The following EXOC4 variants were observed in gnomAD, a reference collection of about 807,000 sequenced individuals.
EXOC4 encodes the protein SEC8-like 1.
A neutral mutation model predicts 107.2 loss-of-function variants in EXOC4; 71 were observed. The ratio of observed to expected loss-of-function variants is 0.66; its 90% confidence interval spans 0.55 to 0.81. The LOEUF (loss-of-function observed/expected upper bound fraction) is 0.81. Ranked by LOEUF, EXOC4 falls within the 30% of genes least tolerant of loss-of-function variation. The pLI is 0.00. For missense variants in EXOC4, 1,108 were observed against 1,189.6 expected, an observed-to-expected ratio of 0.93 and a Z score of 1.01; for synonymous variants, 456 against 441.2, an observed-to-expected ratio of 1.03 and a Z score of -0.42.
chr7:134,068,591 G>A (rs1796218937), downstream of EXOC4, among the ~76,000 whole-genome samples: 2 of 152,048 alleles, frequency 1.3e-5, no homozygotes, highest in South Asian at 4.1e-4. Context: ...CTAATATAGG[G>A]GCTGTATCTT....
chr7:133,676,469 G>A (rs987858457), intron 10 of EXOC4, among the ~76,000 whole-genome samples: 1 of 152,094 alleles, frequency 6.6e-6, no homozygotes, highest in African/African-American at 2.4e-5. Flanking sequence ...AGACTGAATA[G>A]CACCAGTTCT....
At chr7:133,650,144 G>T (rs145994220) in intron 10 of EXOC4, among the ~76,000 whole-genome samples, 6 of 151,438 alleles carry the variant, frequency 4.0e-5, no homozygotes, top group African/African-American at 1.5e-4. Flanking sequence ...TTAATTTTAC[G>T]GTCATATGTA....
chr7:134,012,676 T>C (rs4596578), intron 17 of EXOC4, among the ~76,000 whole-genome samples: 83,283 of 151,748 alleles, frequency 0.55, 23,477 homozygotes, highest in African/African-American at 0.66. Context: ...CATCAGCATA[T>C]AGGTGGGATT....
intron 10 of EXOC4, 55 bp downstream of exon 10, chr7:133,630,196 C>T: frequency 1.5e-6 from 2 of 1,345,406 alleles, no homozygotes; most frequent in South Asian, 1.2e-5. Context: ...ATTATTTATG[C>T]TGGTCTACTG....
At chr7:134,032,588 A>C (rs1370448965) in intron 17 of EXOC4, among the ~76,000 whole-genome samples, 2 of 152,186 alleles carry the variant, frequency 1.3e-5, no homozygotes, top group African/African-American at 4.8e-5. Context: ...GGGGGGCCTC[A>C]CTGGTGAAGG....
intron 10 of EXOC4, among the ~76,000 whole-genome samples, chr7:133,670,692 G>A (rs1562900525): frequency 6.6e-6 from 1 of 152,192 alleles, no homozygotes; most frequent in Non-Finnish European, 1.5e-5. Context: ...TTGCCTGACT[G>A]AGGTAATCCC....
At chr7:133,618,806 A>T (rs1236794540) in intron 9 of EXOC4, among the ~76,000 whole-genome samples, 3 of 152,184 alleles carry the variant, frequency 2.0e-5, no homozygotes, top group African/African-American at 7.2e-5. Context: ...TGGATAGACT[A>T]TAAAATGATG....
At chr7:133,274,393 T>G (rs1341365121) in intron 1 of EXOC4, among the ~76,000 whole-genome samples, 2 of 152,198 alleles carry the variant, frequency 1.3e-5, no homozygotes, top group Non-Finnish European at 2.9e-5. Context: ...CAATGGATAT[T>G]TATTATCTCC....
downstream of EXOC4, among the ~76,000 whole-genome samples, chr7:134,069,351 T>TC (rs1563112448): frequency 1.5e-5 from 2 of 133,424 alleles, no homozygotes; most frequent in Non-Finnish European, 3.1e-5. Flanking sequence ...TCCTCCTCCT[T>TC]CTCCTTCTTC....
intron 14 of EXOC4, among the ~76,000 whole-genome samples, chr7:133,987,159 T>C (rs1794133571): frequency 6.6e-6 from 1 of 152,112 alleles, no homozygotes; most frequent in Non-Finnish European, 1.5e-5. Context: ...AAACTGAAGA[T>C]TAAAAATTAA....
chr7:133,624,522 G>A (rs10259865), intron 9 of EXOC4, among the ~76,000 whole-genome samples: 149,016 of 152,270 alleles, frequency 0.98, 72,997 homozygotes, highest in East Asian at 1. Context: ...GGTTGAGGCT[G>A]CAGTGAGCTG....
chr7:133,484,098 T>A (rs1441657185), intron 9 of EXOC4: 1 of 1,613,066 alleles, frequency 6.2e-7, no homozygotes, highest in Non-Finnish European at 8.5e-7. Context: ...AAGCTCAAAT[T>A]TTACAAAAGT....
At chr7:133,949,427 A>G (rs1800635812) in intron 14 of EXOC4, among the ~76,000 whole-genome samples, 1 of 152,222 alleles carries the variant, frequency 6.6e-6, no homozygotes, top group Non-Finnish European at 1.5e-5. Context: ...AGGAAGAGTA[A>G]TGAGGACTTT....
chr7:133,667,285 G>GC (rs1410391383), intron 10 of EXOC4, among the ~76,000 whole-genome samples: 1 of 152,198 alleles, frequency 6.6e-6, no homozygotes, highest in East Asian at 1.9e-4. Flanking sequence ...CCTGCTTGCT[G>GC]CAAGAGCAGT....
chr7:133,469,054 A>C (rs1798804790), intron 7 of EXOC4, among the ~76,000 whole-genome samples: 1 of 152,186 alleles, frequency 6.6e-6, no homozygotes, highest in African/African-American at 2.4e-5. Flanking sequence ...GCAGTCTATT[A>C]TCAGACTCAT....
At chr7:134,003,669 A>G (rs1794579132) in intron 15 of EXOC4, among the ~76,000 whole-genome samples, 4 of 152,090 alleles carry the variant, frequency 2.6e-5, no homozygotes, top group African/African-American at 9.7e-5. Context: ...CTAAAACAAC[A>G]GAGTTAGGAC....
At chr7:133,526,508 G>A (rs1439122778) in intron 9 of EXOC4, among the ~76,000 whole-genome samples, 1 of 152,146 alleles carries the variant, frequency 6.6e-6, no homozygotes, top group Non-Finnish European at 1.5e-5. Flanking sequence ...CCTACATTCT[G>A]TTGCTCAAGA....
At chr7:133,868,606 G>T (rs573828332) in intron 11 of EXOC4, among the ~76,000 whole-genome samples, 1 of 152,050 alleles carries the variant, frequency 6.6e-6, no homozygotes, top group African/African-American at 2.4e-5. Flanking sequence ...CCTCCCTTTT[G>T]CCCCCACGTC....
chr7:133,450,515 C>T (rs568057514), intron 7 of EXOC4, among the ~76,000 whole-genome samples: 38 of 152,244 alleles, frequency 2.5e-4, no homozygotes, highest in Middle Eastern at 3.4e-3. Flanking sequence ...CCTGTTTACT[C>T]ATTCTCAAAT....
Sources: allele counts gnomAD v4.1 joint callset (sites outside exome capture counted in the v4.1 genomes callset), GRCh38; gene constraint gnomAD v4.1.1; transcripts MANE v1.5; gene names NCBI Gene and HGNC (gene_info 2026-07-23, HGNC 2026-07-21).